ARL15: variants seen among roughly 807,000 people sequenced by gnomAD.
ARL15 encodes the protein ARF like GTPase 15, also known as ADP-ribosylation factor-like protein 15.
A neutral mutation model predicts 25.2 loss-of-function variants in ARL15; 19 were observed. That is an observed-to-expected ratio of 0.75 (90% confidence interval 0.53 to 1.10). The LOEUF (loss-of-function observed/expected upper bound fraction) is 1.10, where lower values mean the gene tolerates loss of function less well. Ranked by LOEUF, ARL15 falls within the 50% of genes least tolerant of loss-of-function variation. The probability of loss-of-function intolerance (pLI) is 0.00; values close to 1 mark genes in which losing one functional copy is unlikely to be tolerated. For missense variants in ARL15, 220 were observed against 246.0 expected, an observed-to-expected ratio of 0.89 and a Z score of 0.71; for synonymous variants, 94 against 86.8, an observed-to-expected ratio of 1.08 and a Z score of -0.46.
At chr5:54,291,438 G>A (rs186871932) in intron 1 of ARL15, among the ~76,000 whole-genome samples, 2 of 152,254 alleles carry the variant, frequency 1.3e-5, no homozygotes, top group Admixed American at 1.3e-4. Flanking sequence ...ACAATGTTGT[G>A]TAATTATTAG....
chr5:54,283,702 G>A (rs1254457605), intron 1 of ARL15, among the ~76,000 whole-genome samples: 1 of 152,148 alleles, frequency 6.6e-6, no homozygotes, highest in Non-Finnish European at 1.5e-5. Flanking sequence ...ACATAATAGT[G>A]AATGACTGAA....
Position 53,911,808 on chromosome 5 carries a change from G to C in ARL15, c.463-25095C>G, listed in dbSNP as rs572402175. On this transcript the variant is annotated intron_variant, in intron 4 of 4. Coordinates refer to ENST00000504924, the MANE Select transcript of ARL15 (RefSeq NM_019087.3). Reference sequence around the variant, plus strand: ...TCATCTGGCATTTTTAATGCCACACGATCAAATCCAACAACACTCTCCAAA... The same window carrying C: ...TCATCTGGCATTTTTAATGCCACACCATCAAATCCAACAACACTCTCCAAA... Among the ~76,000 whole-genome samples, 5 of 152,184 alleles carry C rather than the reference G, an allele frequency of 3.3e-5. No individual in the cohort carries two copies. In the East Asian group the frequency reaches 9.6e-4, roughly 29 times the overall value.
intron 2 of ARL15, among the ~76,000 whole-genome samples, chr5:54,165,089 T>C (rs1754526764): frequency 6.6e-6 from 1 of 152,044 alleles, no homozygotes; most frequent in East Asian, 1.9e-4. Flanking sequence ...CCTTCAAGTG[T>C]TATTATACGA....
chr5:54,206,077 ACAAAC>A (rs1272526108), intron 1 of ARL15, among the ~76,000 whole-genome samples: 1 of 152,182 alleles, frequency 6.6e-6, no homozygotes, highest in Non-Finnish European at 1.5e-5. Flanking sequence ...GAAAAACAAA[ACAAAC>A]CAAACAGTGG....
At chr5:54,098,455 G>A (rs1752349826) in intron 4 of ARL15, among the ~76,000 whole-genome samples, 1 of 152,056 alleles carries the variant, frequency 6.6e-6, no homozygotes, top group African/African-American at 2.4e-5. Context: ...CTGTAACCCT[G>A]CATCACTGCT....
At chr5:54,194,654 A>G (rs1755502341) in intron 1 of ARL15, among the ~76,000 whole-genome samples, 1 of 152,234 alleles carries the variant, frequency 6.6e-6, no homozygotes, top group Admixed American at 6.5e-5. Flanking sequence ...TGGCAAAAAA[A>G]GAAACATATA....
At chr5:54,034,674 A>C (rs1230834513) in intron 4 of ARL15, among the ~76,000 whole-genome samples, 1 of 152,058 alleles carries the variant, frequency 6.6e-6, no homozygotes, top group Non-Finnish European at 1.5e-5. Context: ...AAAAAAAGAC[A>C]GAGAGACAGG....
Position 53,928,584 on chromosome 5 carries a change from A to C in ARL15, c.463-41871T>G, listed in dbSNP as rs3797285. Among the ~76,000 whole-genome samples the C allele has an allele frequency of 2.0e-5, 3 of 152,304 alleles. No individual in the cohort carries two copies. In the East Asian group the frequency reaches 5.8e-4, roughly 29 times the overall value. On this transcript the variant is annotated intron_variant, in intron 4 of 4. Transcript: ENST00000504924. Reference sequence around the variant, plus strand: ...ATAGAGCCAGGTACCCAAATTCTACAAATTATATTGATATCCATTCATAAT... The same window carrying C: ...ATAGAGCCAGGTACCCAAATTCTACCAATTATATTGATATCCATTCATAAT...
chr5:53,964,660 TC>T (rs1187760104), intron 4 of ARL15, among the ~76,000 whole-genome samples: 1 of 152,148 alleles, frequency 6.6e-6, no homozygotes, highest in Non-Finnish European at 1.5e-5. Context: ...GCACCTGGCC[TC>T]TATACTGGTT....
rs374196516 is a variant in ARL15, at chr5:54,292,334, T to C, written c.48+18098A>G. ...ACTAAAGGGAACAGATATGTGGAGG[T>C]TGATATAAAAATCTAACAACTAAAG... On this transcript the variant is annotated intron_variant, in intron 1 of 4. Transcript: ENST00000504924. 2.2e-4 allele frequency among the ~76,000 whole-genome samples: 34 copies of C among 152,170 alleles called. No individual in the cohort carries two copies. In the East Asian group the frequency reaches 6.6e-3, roughly 29 times the overall value.
intron 1 of ARL15, among the ~76,000 whole-genome samples, chr5:54,269,108 T>G (rs1327988175): frequency 1.3e-5 from 2 of 151,982 alleles, no homozygotes; most frequent in Non-Finnish European, 2.9e-5. Context: ...CTTTAGGAGA[T>G]ATACCTAATG....
rs148494477 is a variant in ARL15, at chr5:54,299,264, C to T, written c.48+11168G>A. On this transcript the variant is annotated intron_variant, in intron 1 of 4. Transcript: ENST00000504924. ...CCATAAAAGCTGCATGTATACTACA[C>T]GCCAGCAGTGGCTGAGGCCGTAGGC... Among the ~76,000 whole-genome samples the T allele has an allele frequency of 2.2e-3, 331 of 152,288 alleles. 3 individuals carry two copies. Among genetic ancestry groups the T allele is most frequent in the African/African-American group, 7.7e-3 (320 of 41,558 alleles).
intron 1 of ARL15, among the ~76,000 whole-genome samples, chr5:54,197,380 G>A (rs904369478): frequency 3.9e-5 from 6 of 152,124 alleles, no homozygotes; most frequent in Non-Finnish European, 1.5e-5. Flanking sequence ...AAAAGCACCT[G>A]ATTGGGAGGG....
At chr5:53,901,651 T>A (rs540014321) in intron 4 of ARL15, among the ~76,000 whole-genome samples, 64 of 140,778 alleles carry the variant, frequency 4.5e-4, no homozygotes, top group African/African-American at 1.6e-3. Context: ...TAAGTGTGCA[T>A]ATTGAAATGG....
At chr5:54,182,991 A>G (rs997472748) in intron 1 of ARL15, among the ~76,000 whole-genome samples, 4 of 140,764 alleles carry the variant, frequency 2.8e-5, no homozygotes, top group African/African-American at 1.0e-4. Flanking sequence ...ATTTTTGTAC[A>G]TTGATTTTGT....
chr5:54,305,697 A>G, intron 1 of ARL15, among the ~76,000 whole-genome samples: 1 of 152,372 alleles, frequency 6.6e-6, no homozygotes, highest in Non-Finnish European at 1.5e-5. Context: ...TAATAATAAA[A>G]GTGAACAATG....
intron 4 of ARL15, 65 bp from the exon 5 acceptor site, chr5:53,886,778 T>G (rs1744540162): frequency 7.0e-7 from 1 of 1,425,654 alleles, no homozygotes; most frequent in Non-Finnish European, 9.4e-7. Context: ...CATATCAAAA[T>G]TCTGAGGGAT....
chr5:54,080,937 T>C (rs1751778131), intron 4 of ARL15, among the ~76,000 whole-genome samples: 1 of 152,202 alleles, frequency 6.6e-6, no homozygotes, highest in Non-Finnish European at 1.5e-5. Context: ...GGCATGCAGA[T>C]GGCCACTTCC....
chr5:54,144,455 T>C (rs922558995), intron 3 of ARL15, among the ~76,000 whole-genome samples: 3 of 152,226 alleles, frequency 2.0e-5, no homozygotes, highest in Non-Finnish European at 2.9e-5. Context: ...CATTTTAAAT[T>C]TTAAAGTCAA....
Sources: allele counts gnomAD v4.1 joint callset (sites outside exome capture counted in the v4.1 genomes callset), GRCh38; gene constraint gnomAD v4.1.1; transcripts MANE v1.5; gene names NCBI Gene and HGNC (gene_info 2026-07-23, HGNC 2026-07-21).